Variants in ECT2 observed in about 807,000 individuals in gnomAD.
ECT2 encodes epithelial cell transforming 2.
In ECT2, 61 loss-of-function variants were observed where a neutral mutation model predicts 116.9. That is an observed-to-expected ratio of 0.52 (90% CI 0.42 to 0.65). ECT2 has a LOEUF of 0.65. Ranked by LOEUF, ECT2 falls within the 30% of genes least tolerant of loss-of-function variation. The pLI, the probability that ECT2 is intolerant of heterozygous loss-of-function variation, is 0.00. For synonymous variants in ECT2, 358 were observed against 346.4 expected (o/e 1.03, Z -0.37); for missense variants, 937 against 1,078.7 (o/e 0.87, Z 1.84).
chr3:172,794,251 G>A (rs1158366686), intron 18 of ECT2, among the ~76,000 whole-genome samples: 1 of 152,098 alleles, frequency 6.6e-6, no homozygotes, highest in Non-Finnish European at 1.5e-5. Flanking sequence ...TCATTTAGGT[G>A]TATGATCCAT....
At chr3:172,793,433 G>C (rs964232408) in intron 18 of ECT2, among the ~76,000 whole-genome samples, 1 of 151,230 alleles carries the variant, frequency 6.6e-6, no homozygotes, top group Non-Finnish European at 1.5e-5. Context: ...GATTACAGGC[G>C]TGAGCCCCCG....
chr3:172,795,983 G>A (rs1169942789), intron 18 of ECT2, among the ~76,000 whole-genome samples: 1 of 152,034 alleles, frequency 6.6e-6, no homozygotes, highest in Non-Finnish European at 1.5e-5. Context: ...GTTATTTAAA[G>A]TTTGTTTCAA....
At chr3:172,763,121 T>A in intron 11 of ECT2, 149 bp downstream of exon 11, 1 of 766,056 alleles carries the variant, frequency 1.3e-6, no homozygotes, top group Non-Finnish European at 2.1e-6. Flanking sequence ...TATGTAGATT[T>A]AAGTGGAACT....
At chr3:172,827,978 A>G in the ECT2 span, among the ~76,000 whole-genome samples, 1 of 152,220 alleles carries the variant, frequency 6.6e-6, no homozygotes, top group Non-Finnish European at 1.5e-5. Context: ...CAATACTCTT[A>G]TTATTCAAAG....
At chr3:172,757,466 A>T (rs564150078) in intron 5 of ECT2, among the ~76,000 whole-genome samples, 17 of 128,338 alleles carry the variant, frequency 1.3e-4, no homozygotes, top group Middle Eastern at 0.013. Flanking sequence ...CCCAGGCTGG[A>T]GTGCAGTGGC....
intron 22 of ECT2, among the ~76,000 whole-genome samples, chr3:172,808,369 C>T (rs1424033404): frequency 1.4e-5 from 2 of 148,078 alleles, no homozygotes; most frequent in African/African-American, 4.9e-5. Context: ...AGCCACCGTG[C>T]CTGGCCAAAA....
intron 14 of ECT2, among the ~76,000 whole-genome samples, chr3:172,776,198 CTTTTTTTT>C (rs60558773): frequency 6.6e-4 from 74 of 111,594 alleles, no homozygotes; most frequent in Middle Eastern, 5.4e-3. Flanking sequence ...TCAGTTTTTT[CTTTTTTTT>C]TTTTTTTTTT....
At chr3:172,828,334 C>CTG in the ECT2 span, among the ~76,000 whole-genome samples, 35 of 150,262 alleles carry the variant, frequency 2.3e-4, no homozygotes, top group African/African-American at 5.9e-4. Flanking sequence ...TACCAACAGG[C>CTG]TGTGTGTGTG....
chr3:172,783,650 A>G (rs1354364189), intron 15 of ECT2, 149 bp from the exon 16 acceptor site: 3 of 569,332 alleles, frequency 5.3e-6, no homozygotes, highest in East Asian at 3.4e-5. Context: ...AATTTATAAA[A>G]TAAGTTTGTT....
At chr3:172,793,739 C>T (rs924703558) in intron 18 of ECT2, among the ~76,000 whole-genome samples, 1 of 152,214 alleles carries the variant, frequency 6.6e-6, no homozygotes, top group Non-Finnish European at 1.5e-5. Context: ...GCTGGGATTA[C>T]AGGCATGAGC....
intron 18 of ECT2, among the ~76,000 whole-genome samples, chr3:172,801,488 G>T (rs1457461221): frequency 1.3e-5 from 2 of 152,154 alleles, no homozygotes; most frequent in Non-Finnish European, 2.9e-5. Flanking sequence ...TTTTTAACGT[G>T]TCTTCCCTAA....
intron 7 of ECT2, among the ~76,000 whole-genome samples, chr3:172,761,204 C>T (rs1338750000): frequency 6.6e-6 from 1 of 152,120 alleles, no homozygotes; most frequent in African/African-American, 2.4e-5. Flanking sequence ...ATTTGTGTAG[C>T]AAATGGTAAT....
chr3:172,777,653 CT>C (rs1721983389), intron 14 of ECT2, among the ~76,000 whole-genome samples: 1 of 152,158 alleles, frequency 6.6e-6, no homozygotes, highest in South Asian at 2.1e-4. Flanking sequence ...AATTTCTGCA[CT>C]TTGGGAGGCC....
intron 21 of ECT2, 27 bp from the exon 22 acceptor site, chr3:172,807,743 A>C: frequency 2.5e-6 from 4 of 1,594,308 alleles, no homozygotes; most frequent in Non-Finnish European, 3.4e-6. Context: ...GTGACACTTA[A>C]TGTTTATGGT....
intron 14 of ECT2, among the ~76,000 whole-genome samples, chr3:172,779,778 A>C (rs551037361): frequency 6.6e-6 from 1 of 152,080 alleles, no homozygotes; most frequent in East Asian, 1.9e-4. Context: ...GGCACATGCC[A>C]GTAGTCCCAG....
intron 18 of ECT2, among the ~76,000 whole-genome samples, chr3:172,797,209 T>TA (rs1392416240): frequency 6.6e-6 from 1 of 151,560 alleles, no homozygotes; most frequent in Admixed American, 6.6e-5. Flanking sequence ...TTTGTATTTT[T>TA]TTTTTTTTAG....
At chr3:172,767,724 A>ATTTTTTTTTTTTT (rs1202819421) in intron 12 of ECT2, among the ~76,000 whole-genome samples, 4 of 148,384 alleles carry the variant, frequency 2.7e-5, no homozygotes, top group African/African-American at 1.0e-4. Context: ...ATGTGTATAG[A>ATTTTTTTTTTTTT]TTTTTTTTTT....
At chr3:172,792,591 C>G (rs536484021) in intron 18 of ECT2, among the ~76,000 whole-genome samples, 3 of 151,982 alleles carry the variant, frequency 2.0e-5, no homozygotes, top group South Asian at 2.1e-4. Context: ...TTGGTTGTTT[C>G]CAGTTCTTGG....
At chr3:172,798,642 ATC>A (rs1322507808) in intron 18 of ECT2, among the ~76,000 whole-genome samples, 7 of 152,132 alleles carry the variant, frequency 4.6e-5, no homozygotes, top group African/African-American at 9.7e-5. Context: ...ACTTAAGAAA[ATC>A]TCTCTCAAGC....
Sources: gnomAD v4.1 joint callset for allele counts (sites outside exome capture counted in the v4.1 genomes callset) on GRCh38, gnomAD v4.1.1 for gene constraint, MANE v1.5 for transcripts, NCBI Gene and HGNC (gene_info 2026-07-23, HGNC 2026-07-21) for gene names.